PTPRG: variants seen among roughly 807,000 people sequenced by gnomAD.
PTPRG encodes the protein receptor-type tyrosine-protein phosphatase gamma.
In PTPRG, 102 loss-of-function variants were observed where a neutral mutation model predicts 165.3. The ratio of observed to expected loss-of-function variants is 0.62; its 90% CI spans 0.53 to 0.73. PTPRG has a LOEUF of 0.73. Among genes scored for constraint, PTPRG ranks in the 30% least tolerant of loss-of-function variants. The pLI is 0.00. For missense variants in PTPRG, 1,866 were observed against 1,861.4 expected, an observed-to-expected ratio of 1.00 and a Z score of -0.05; for synonymous variants, 675 against 669.5, an observed-to-expected ratio of 1.01 and a Z score of -0.13.
intron 16 of PTPRG, among the ~76,000 whole-genome samples, chr3:62,261,452 C>T (rs1217640564): frequency 6.6e-6 from 1 of 152,168 alleles, no homozygotes; most frequent in Non-Finnish European, 1.5e-5. Context: ...CCTTAAAGCT[C>T]CTTAAACCAG....
chr3:61,734,637 C>G (rs528531153), intron 1 of PTPRG, among the ~76,000 whole-genome samples: 1 of 152,042 alleles, frequency 6.6e-6, no homozygotes, highest in African/African-American at 2.4e-5. Context: ...AGGAAGAGTT[C>G]GTTTCATTTA....
At chr3:62,292,622 G>C (rs140728847) in intron 29 of PTPRG, 66 bp downstream of exon 29, 66 of 1,555,224 alleles carry the variant, frequency 4.2e-5, no homozygotes, top group Non-Finnish European at 5.7e-5. Context: ...ACAGTTTAGA[G>C]CAGTAGTTCT....
intron 2 of PTPRG, chr3:61,753,608 T>C (rs1238161714): frequency 4.9e-6 from 2 of 411,338 alleles, no homozygotes; most frequent in South Asian, 3.3e-5. Flanking sequence ...TTTTGGAGAT[T>C]GGATCTTGCT....
rs542994674 is a variant in PTPRG at position 62,195,235 on chromosome 3, T to A, written c.1327+65T>A. 10 of 1,384,564 alleles carry A rather than the reference T, an allele frequency of 7.2e-6. No homozygotes were observed. In the East Asian group the frequency reaches 2.3e-4, roughly 32 times the overall value. 85.8% of individuals were successfully genotyped at this position (1,384,564 alleles called of 1,614,324 possible). On this transcript the variant is annotated intron_variant, in intron 10 of 29. Coordinates refer to ENST00000474889, the MANE Select transcript of PTPRG (RefSeq NM_002841.4). This position sits in a 1 kb window ranked among gnomAD's most constrained non-coding sequence, Gnocchi z 4.4. ...AGACTCCCTCCCAATGCTTTCTGCTTCTTCCTGCTCAGGTGCTGGGGAAAA... is the reference window on the plus strand; with the variant it reads ...AGACTCCCTCCCAATGCTTTCTGCTACTTCCTGCTCAGGTGCTGGGGAAAA...
At chr3:61,877,705 G>C (rs1056070812) in intron 2 of PTPRG, among the ~76,000 whole-genome samples, 3 of 152,168 alleles carry the variant, frequency 2.0e-5, no homozygotes, top group African/African-American at 7.2e-5. Flanking sequence ...CTGAAATAAT[G>C]AAAATGATGA....
intron 4 of PTPRG, among the ~76,000 whole-genome samples, chr3:62,041,707 A>G (rs1054125122): frequency 6.6e-6 from 1 of 152,158 alleles, no homozygotes; most frequent in East Asian, 1.9e-4. Flanking sequence ...AAAATCTTCT[A>G]TTAGATGTCA....
chr3:61,610,653 C>T (rs952578514), intron 1 of PTPRG, among the ~76,000 whole-genome samples: 1 of 152,086 alleles, frequency 6.6e-6, no homozygotes, highest in African/African-American at 2.4e-5. Flanking sequence ...GACAAATATT[C>T]CTCTGTTAAG....
At chr3:61,740,802 A>T (rs957886320) in intron 1 of PTPRG, among the ~76,000 whole-genome samples, 9 of 152,206 alleles carry the variant, frequency 5.9e-5, no homozygotes. Context: ...GTGATGAAAA[A>T]AACTTTTTAT....
chr3:62,209,353 G>T (rs771250968), intron 12 of PTPRG, among the ~76,000 whole-genome samples: 8 of 152,178 alleles, frequency 5.3e-5, no homozygotes, highest in Admixed American at 3.9e-4. Flanking sequence ...CCAAGGCCGA[G>T]AACCCCTGAT....
intron 2 of PTPRG, among the ~76,000 whole-genome samples, chr3:61,910,044 G>A (rs1269697534): frequency 6.6e-6 from 1 of 152,062 alleles, no homozygotes; most frequent in African/African-American, 2.4e-5. Flanking sequence ...TTTCCCCAAA[G>A]ATGCTGATTA....
chr3:62,079,002 G>A (rs1343208226), intron 5 of PTPRG, among the ~76,000 whole-genome samples: 2 of 152,206 alleles, frequency 1.3e-5, no homozygotes, highest in Non-Finnish European at 2.9e-5. Flanking sequence ...CAATCTTAAA[G>A]TTGACCTAGC....
At chr3:62,144,908 T>G (rs1704063013) in intron 6 of PTPRG, among the ~76,000 whole-genome samples, 2 of 152,146 alleles carry the variant, frequency 1.3e-5, no homozygotes, top group Non-Finnish European at 2.9e-5. Flanking sequence ...CAGTTCTCAT[T>G]CAGCCTGCCT....
At chr3:62,003,218 T>C in intron 3 of PTPRG, 131 bp from the exon 4 acceptor site, 1 of 1,068,056 alleles carries the variant, frequency 9.4e-7, no homozygotes, top group Non-Finnish European at 1.3e-6. Flanking sequence ...GTGTTCAACA[T>C]ATTTTTTCAT....
intron 2 of PTPRG, among the ~76,000 whole-genome samples, chr3:61,766,693 T>A (rs771290367): frequency 1.3e-5 from 2 of 152,030 alleles, no homozygotes; most frequent in Non-Finnish European, 2.9e-5. Context: ...CTCTGGTCAC[T>A]GCAACCTCCA....
At chr3:61,732,709 A>T (rs869204252) in intron 1 of PTPRG, among the ~76,000 whole-genome samples, 2 of 143,042 alleles carry the variant, frequency 1.4e-5, no homozygotes, top group Admixed American at 7.0e-5. Flanking sequence ...ACTCCGTCTC[A>T]AAATAAATAA....
chr3:62,248,188 A>G (rs974005574), intron 15 of PTPRG, among the ~76,000 whole-genome samples: 1 of 152,212 alleles, frequency 6.6e-6, no homozygotes, highest in African/African-American at 2.4e-5. Context: ...TTGGCTTCCA[A>G]TCACTATAAA....
At chr3:61,835,624 G>A (rs999032538) in intron 2 of PTPRG, among the ~76,000 whole-genome samples, 6 of 151,798 alleles carry the variant, frequency 4.0e-5, no homozygotes, top group South Asian at 4.2e-4. Context: ...GAACCACCAC[G>A]CCCAGCCCGT....
chr3:61,793,822 A>G lies in PTPRG; in HGVS notation c.190+44840A>G, dbSNP rs377366559. ...GCTAAAAGGACCAAAGTTAATTCCA[A>G]GTTTGGCTAGGTGGTGAAAATGACA... is the stretch of plus-strand genomic sequence containing the variant. On this transcript the variant is annotated intron_variant, in intron 2 of 29. Transcript: ENST00000474889. 7.9e-5 allele frequency among the ~76,000 whole-genome samples: 12 copies of G among 152,134 alleles called. No individual in the cohort carries two copies. The East Asian group carries it at 2.1e-3, about 27-fold the overall frequency.
At chr3:62,272,075 A>ATGAT (rs1358329423) in intron 21 of PTPRG, among the ~76,000 whole-genome samples, 1 of 151,064 alleles carries the variant, frequency 6.6e-6, no homozygotes, top group African/African-American at 2.5e-5. Context: ...AGCCTGGGTG[A>ATGAT]TGATAGAGCA....
Sources: gnomAD v4.1 joint callset for allele counts (sites outside exome capture counted in the v4.1 genomes callset) on GRCh38, gnomAD v4.1.1 for gene constraint, Gnocchi (gnomAD v3.1) non-coding constraint, MANE v1.5 for transcripts, NCBI Gene and HGNC (gene_info 2026-07-23, HGNC 2026-07-21) for gene names.